Variants in NRP1 observed in about 807,000 individuals in gnomAD.
The protein encoded by NRP1 is neuropilin 1, also known as neuropilin-1.
A neutral mutation model predicts 106.7 loss-of-function variants in NRP1; 35 were observed. The observed-to-expected ratio is 0.33, with a 90% confidence interval of 0.25 to 0.43. The LOEUF is 0.43. Ranked by LOEUF, NRP1 falls within the 20% of genes least tolerant of loss-of-function variation. The probability of loss-of-function intolerance (pLI) is 1.00; values close to 1 mark genes in which losing one functional copy is unlikely to be tolerated. For missense variants in NRP1, 1,024 were observed against 1,170.4 expected, an observed-to-expected ratio of 0.87 and a Z score of 1.83; for synonymous variants, 437 against 417.9, an observed-to-expected ratio of 1.05 and a Z score of -0.56.
intron 2 of NRP1, among the ~76,000 whole-genome samples, chr10:33,280,425 G>T (rs977509276): frequency 1.3e-5 from 2 of 152,034 alleles, no homozygotes; most frequent in Non-Finnish European, 2.9e-5. Context: ...CAATTCCCAT[G>T]TAAAACTGTG....
intron 6 of NRP1, among the ~76,000 whole-genome samples, chr10:33,237,083 T>A (rs1588805932): frequency 6.6e-6 from 1 of 152,070 alleles, no homozygotes; most frequent in Admixed American, 6.6e-5. Context: ...CACAGCTGCA[T>A]CCCAAAGCCC....
intron 6 of NRP1, among the ~76,000 whole-genome samples, chr10:33,242,994 G>C (rs1411049904): frequency 2.6e-5 from 4 of 152,124 alleles, no homozygotes; most frequent in African/African-American, 9.7e-5. Flanking sequence ...AGACTTTAAG[G>C]TGTGAACAGT....
At chr10:33,319,067 C>G (rs1196816734) in intron 2 of NRP1, among the ~76,000 whole-genome samples, 3 of 145,772 alleles carry the variant, frequency 2.1e-5, no homozygotes, top group African/African-American at 7.6e-5. Context: ...TGCAGTGGCA[C>G]GATATCAGCT....
intron 6 of NRP1, among the ~76,000 whole-genome samples, chr10:33,234,632 T>A (rs568064528): frequency 2.0e-4 from 31 of 152,210 alleles, no homozygotes; most frequent in African/African-American, 6.5e-4. Context: ...AGGATAACAA[T>A]TGAACACTTT....
chr10:33,257,636 CA>C (rs10707138), intron 4 of NRP1, among the ~76,000 whole-genome samples: 79,048 of 151,532 alleles, frequency 0.52, 21,398 homozygotes, highest in African/African-American at 0.66. Context: ...GAAAAACACA[CA>C]AAAAAAACAA....
At chr10:33,221,668 C>G in intron 8 of NRP1, 51 bp downstream of exon 8, 1 of 1,576,202 alleles carries the variant, frequency 6.3e-7, no homozygotes. Context: ...TAAATCAAAA[C>G]AAGACAATCT....
At chr10:33,202,622 G>T in intron 11 of NRP1, 2 of 1,514,870 alleles carry the variant, frequency 1.3e-6, no homozygotes, top group South Asian at 1.3e-5. Flanking sequence ...ATTTAGCCAT[G>T]GGGAAATTCT....
At chr10:33,276,749 G>T (rs192104663) in intron 2 of NRP1, among the ~76,000 whole-genome samples, 2 of 152,230 alleles carry the variant, frequency 1.3e-5, no homozygotes, top group Admixed American at 1.3e-4. Context: ...GGTTATTGTT[G>T]CTAGACAATC....
At chr10:33,295,345 T>C (rs1028370510) in intron 2 of NRP1, among the ~76,000 whole-genome samples, 5 of 152,206 alleles carry the variant, frequency 3.3e-5, no homozygotes, top group African/African-American at 7.2e-5. Context: ...CTGTGGACAA[T>C]TGATAAGCAA....
At chr10:33,314,102 C>T (rs1352815969) in intron 2 of NRP1, among the ~76,000 whole-genome samples, 4 of 127,312 alleles carry the variant, frequency 3.1e-5, no homozygotes, top group Non-Finnish European at 6.4e-5. Context: ...TCTCTATTTT[C>T]AGAGGTAGAC....
rs199689769 is a variant in NRP1 at position 33,180,368 on chromosome 10, A to G, written c.2483-3T>C. ...ACCTTCGTATCCTGGCGTGCTCCCT[A>G]TGGAAAAAAACAATATTGTCTCCGT... On this transcript the variant is annotated splice_region_variant and splice_polypyrimidine_tract_variant and intron_variant, in intron 16 of 16. Coordinates refer to ENST00000374867, the MANE Select transcript of NRP1 (RefSeq NM_003873.7). 2,097 of 1,575,732 alleles carry G rather than the reference A, an allele frequency of 1.3e-3. 2 individuals carry two copies. The highest frequency in any genetic ancestry group is 1.4e-3 in the Non-Finnish European group (1,631 of 1,157,834).
chr10:33,226,658 T>C lies in NRP1; in HGVS notation c.982-369A>G, dbSNP rs187074730. Among the ~76,000 whole-genome samples the C allele has an allele frequency of 5.9e-4, 90 of 152,322 alleles. 1 individual carries two copies. Among genetic ancestry groups the C allele is most frequent in the Admixed American group, 2.1e-3 (32 of 15,296 alleles). ...GTTGGAATTAATGATAGAACAGCTC[T>C]TTAAGTCTGATAAGAAACATCTACA... is the stretch of plus-strand genomic sequence containing the variant. On this transcript the variant is annotated intron_variant, in intron 6 of 16. Transcript: ENST00000374867.
intron 11 of NRP1, among the ~76,000 whole-genome samples, chr10:33,200,826 A>C (rs1837244342): frequency 6.6e-6 from 1 of 152,208 alleles, no homozygotes; most frequent in Admixed American, 6.5e-5. Flanking sequence ...TGGTTTTGTA[A>C]AGTAAAATAT....
chr10:33,217,431 G>A (rs1191423134), intron 8 of NRP1, among the ~76,000 whole-genome samples: 1 of 151,566 alleles, frequency 6.6e-6, no homozygotes, highest in Admixed American at 6.6e-5. Context: ...AAAACTATGT[G>A]ACTCACTTTT....
chr10:33,254,427 A>G (rs1460277778), intron 5 of NRP1, among the ~76,000 whole-genome samples: 1 of 152,234 alleles, frequency 6.6e-6, no homozygotes, highest in Non-Finnish European at 1.5e-5. Flanking sequence ...TAGGTTGACA[A>G]AAAGACTATT....
rs1472581131 is a variant in NRP1, at chr10:33,233,615, TACTC to T, written c.982-7330_982-7327del. Among the ~76,000 whole-genome samples, 5 of 152,300 alleles carry T rather than the reference TACTC, an allele frequency of 3.3e-5. No individual in the cohort carries two copies. In the East Asian group the frequency reaches 7.7e-4, roughly 23 times the overall value. ...TCATTTCTAAAATGAAAATCTGTCT[TACTC>T]AATAAATTACTGCCCATTGAGCTAG... On this transcript the variant is annotated intron_variant, in intron 6 of 16. Transcript: ENST00000374867.
At chr10:33,278,603 C>T (rs1843883719) in intron 2 of NRP1, among the ~76,000 whole-genome samples, 1 of 152,120 alleles carries the variant, frequency 6.6e-6, no homozygotes, top group Admixed American at 6.5e-5. Context: ...CCTCAAAATC[C>T]CACATAGTGT....
intron 2 of NRP1, among the ~76,000 whole-genome samples, chr10:33,284,697 T>C (rs1326790334): frequency 3.3e-5 from 5 of 152,230 alleles, no homozygotes; most frequent in Non-Finnish European, 7.3e-5. Context: ...TTTTTTTTGA[T>C]AGTAATTAGG....
At chr10:33,266,626 G>T (rs1486357096) in intron 3 of NRP1, among the ~76,000 whole-genome samples, 2 of 152,186 alleles carry the variant, frequency 1.3e-5, no homozygotes, top group African/African-American at 4.8e-5. Context: ...AAAGTCCATG[G>T]TGAATACACG....
Sources: gnomAD v4.1 joint callset for allele counts (sites outside exome capture counted in the v4.1 genomes callset) on GRCh38, gnomAD v4.1.1 for gene constraint, MANE v1.5 for transcripts, NCBI Gene and HGNC (gene_info 2026-07-23, HGNC 2026-07-21) for gene names.